The following SEMA3D variants were observed in gnomAD, a reference collection of about 807,000 sequenced individuals.
SEMA3D encodes semaphorin 3D, also known as semaphorin-3D.
A neutral mutation model predicts 100.1 loss-of-function variants in SEMA3D; 84 were observed. The ratio of observed to expected loss-of-function variants is 0.84; its 90% CI spans 0.70 to 1.01. SEMA3D has a LOEUF of 1.01. Among genes scored for constraint, SEMA3D ranks in the 50% least tolerant of loss-of-function variants. The probability of loss-of-function intolerance (pLI) is 0.00; values close to 1 mark genes in which losing one functional copy is unlikely to be tolerated. For missense variants in SEMA3D, 875 were observed against 934.1 expected (o/e 0.94, Z 0.82); for synonymous variants, 312 against 320.7 (o/e 0.97, Z 0.29).
Position 85,018,235 on chromosome 7 carries a change from C to G in SEMA3D, c.1545+17G>C, listed in dbSNP as rs371494852. The G allele has an allele frequency of 4.7e-5, 72 of 1,539,418 alleles. No individual in the cohort carries two copies. In the African/African-American group the frequency reaches 8.8e-4, roughly 19 times the overall value. On this transcript the variant is annotated intron_variant, in intron 15 of 18. Transcript: ENST00000284136. ...ATTGCTTTTGTGATTAACTTTCATA[C>G]AAAAGTTAAAAAGTACCTGCTTCAG...
At chr7:85,132,389 T>A (rs1338518319) in intron 2 of SEMA3D, among the ~76,000 whole-genome samples, 4 of 151,950 alleles carry the variant, frequency 2.6e-5, no homozygotes, top group Non-Finnish European at 5.9e-5. Context: ...AAAATACTTT[T>A]AATAACATTT....
intron 18 of SEMA3D, among the ~76,000 whole-genome samples, chr7:85,005,477 T>A (rs1789769874): frequency 6.6e-6 from 1 of 152,044 alleles, no homozygotes; most frequent in Non-Finnish European, 1.5e-5. Flanking sequence ...AGCATGAAAT[T>A]ATTCCTTTAT....
the SEMA3D span, among the ~76,000 whole-genome samples, chr7:85,192,605 G>A: frequency 6.6e-6 from 1 of 152,030 alleles, no homozygotes. Flanking sequence ...GCTTTTCTAA[G>A]GCACACAGTA....
chr7:85,242,865 A>AT, the SEMA3D span, among the ~76,000 whole-genome samples: 3 of 152,230 alleles, frequency 2.0e-5, no homozygotes, highest in South Asian at 6.2e-4. Flanking sequence ...ACAAAACCTG[A>AT]TTTTTTACCT....
At chr7:85,240,587 T>C in the SEMA3D span, among the ~76,000 whole-genome samples, 1 of 152,168 alleles carries the variant, frequency 6.6e-6, no homozygotes, top group African/African-American at 2.4e-5. Context: ...TCCCTAAATA[T>C]TTGGTAGAAT....
chr7:85,229,475 T>C, the SEMA3D span, among the ~76,000 whole-genome samples: 1 of 152,072 alleles, frequency 6.6e-6, no homozygotes, highest in African/African-American at 2.4e-5. Flanking sequence ...TTGGATTTTA[T>C]CTACAAAAAT....
chr7:84,999,498 T>C lies in SEMA3D; in HGVS notation c.2276A>G (p.Lys759Arg), dbSNP rs1789593148. Residue 759 changes from lysine to arginine, a missense_variant, in exon 19 of 19, where the codon AAA becomes AGA. Coordinates refer to ENST00000284136, the MANE Select transcript of SEMA3D (RefSeq NM_001384900.1). Reference protein sequence around the residue: ...KWKHMQEMKKKRNRRHHRDLD... With the variant: ...KWKHMQEMKKRRNRRHHRDLD... ...GTCTCTGTGATGTCTTCGATTTCGTTTCTTCTTCATTTCCTGCATGTGCTT... is the reference window on the plus strand; with the variant it reads ...GTCTCTGTGATGTCTTCGATTTCGTCTCTTCTTCATTTCCTGCATGTGCTT... 1 of 1,613,998 alleles carries C rather than the reference T, an allele frequency of 6.2e-7. No homozygotes were observed. Among genetic ancestry groups the C allele is most frequent in the African/African-American group, 1.3e-5 (1 of 74,924 alleles).
At chr7:85,183,288 C>T (rs9691505) in intron 1 of SEMA3D, among the ~76,000 whole-genome samples, 70,511 of 151,980 alleles carry the variant, frequency 0.46, 17,553 homozygotes, top group East Asian at 0.72. Flanking sequence ...AATATCCATG[C>T]AATGGATTGA....
At position 85,004,215 on chromosome 7, in the gene SEMA3D, A is replaced by G. The variant is rs559855224; in HGVS notation, c.1908+2587T>C. Among the ~76,000 whole-genome samples the G allele has an allele frequency of 9.1e-4, 139 of 152,058 alleles. 2 individuals carry two copies. The highest frequency in any genetic ancestry group is 3.3e-3 in the African/African-American group (136 of 41,514). ...GTGAGTGAAAAAAAAGCTGGAATAGACATCAAAATATTATTTATGCTTATC... is the reference window on the plus strand; with the variant it reads ...GTGAGTGAAAAAAAAGCTGGAATAGGCATCAAAATATTATTTATGCTTATC... On this transcript the variant is annotated intron_variant, in intron 18 of 18. Transcript: ENST00000284136.
At position 85,056,715 on chromosome 7, in the gene SEMA3D, G is replaced by A. The variant is rs1791328007; in HGVS notation, c.719-856C>T. ...CAAAACAATTTTTTACAGTACAAAAGCCAGTATTTATGACAGAGTTCTATA... is the reference window on the plus strand; with the variant it reads ...CAAAACAATTTTTTACAGTACAAAAACCAGTATTTATGACAGAGTTCTATA... On this transcript the variant is annotated intron_variant, in intron 8 of 18. Coordinates refer to ENST00000284136, the MANE Select transcript of SEMA3D (RefSeq NM_001384900.1). Among the ~76,000 whole-genome samples, 7 of 149,910 alleles carry A rather than the reference G, an allele frequency of 4.7e-5. No individual in the cohort carries two copies. In the Admixed American group the frequency reaches 4.7e-4, roughly 10 times the overall value.
the SEMA3D span, among the ~76,000 whole-genome samples, chr7:85,249,172 AC>A: frequency 1.3e-5 from 2 of 152,168 alleles, no homozygotes; most frequent in Non-Finnish European, 2.9e-5. Context: ...CTAAAAACAA[AC>A]AAACAAAAAA....
intron 17 of SEMA3D, 27 bp from the exon 18 acceptor site, chr7:85,006,968 T>C (rs532392919): frequency 2.5e-6 from 4 of 1,596,850 alleles, no homozygotes; most frequent in Admixed American, 1.7e-5. Context: ...GAATAAGAGA[T>C]TAACCTTGAC....
chr7:85,114,856 A>T (rs1216132636), intron 3 of SEMA3D, among the ~76,000 whole-genome samples: 7 of 152,198 alleles, frequency 4.6e-5, no homozygotes, highest in African/African-American at 1.4e-4. Context: ...AAGGCCAAAA[A>T]CATACATTAA....
chr7:85,057,972 A>T (rs1046739966), intron 8 of SEMA3D, among the ~76,000 whole-genome samples: 1 of 152,134 alleles, frequency 6.6e-6, no homozygotes, highest in Non-Finnish European at 1.5e-5. Context: ...TTGGATTCCG[A>T]GTGATGGGTA....
intron 2 of SEMA3D, among the ~76,000 whole-genome samples, chr7:85,148,180 C>T (rs2116481800): frequency 6.6e-6 from 1 of 152,232 alleles, no homozygotes; most frequent in East Asian, 1.9e-4. Flanking sequence ...TCACAAGTGT[C>T]AGAAACAGCT....
intron 2 of SEMA3D, chr7:85,151,581 G>A: frequency 1.1e-6 from 1 of 912,496 alleles, no homozygotes; most frequent in Non-Finnish European, 1.3e-6. Context: ...GTTGATGTGT[G>A]TATGCATGTG....
At chr7:85,071,944 A>G (rs1583894429) in intron 6 of SEMA3D, among the ~76,000 whole-genome samples, 1 of 152,340 alleles carries the variant, frequency 6.6e-6, no homozygotes, top group East Asian at 1.9e-4. Flanking sequence ...TCAGTTGCTC[A>G]TGCTTGCTCT....
At chr7:85,193,319 GGAT>G in the SEMA3D span, among the ~76,000 whole-genome samples, 1 of 152,122 alleles carries the variant, frequency 6.6e-6, no homozygotes, top group Admixed American at 6.6e-5. Flanking sequence ...CCCAAACAAA[GGAT>G]GATCCCTACA....
chr7:85,135,568 A>G (rs1289946679), intron 2 of SEMA3D, among the ~76,000 whole-genome samples: 1 of 151,920 alleles, frequency 6.6e-6, no homozygotes, highest in African/African-American at 2.4e-5. Context: ...TGATGAGTTA[A>G]TGGGTGCAGC....
Sources: gnomAD v4.1 joint callset for allele counts (sites outside exome capture counted in the v4.1 genomes callset) on GRCh38, gnomAD v4.1.1 for gene constraint, MANE v1.5 for transcripts, NCBI Gene and HGNC (gene_info 2026-07-23, HGNC 2026-07-21) for gene names.